The following MFGE8 variants were observed in gnomAD, a reference collection of about 807,000 sequenced individuals.
MFGE8 encodes the protein milk fat globule EGF and factor V/VIII domain containing, also known as lactadherin.
A neutral mutation model predicts 42.6 loss-of-function variants in MFGE8; 34 were observed. That is an observed-to-expected ratio of 0.80 (90% CI 0.61 to 1.06). The LOEUF (loss-of-function observed/expected upper bound fraction) is 1.06. Ranked by LOEUF, MFGE8 falls within the 50% of genes least tolerant of loss-of-function variation. The probability of loss-of-function intolerance (pLI) is 0.00; values close to 1 mark genes in which losing one functional copy is unlikely to be tolerated. For missense variants in MFGE8, 510 were observed against 516.9 expected (o/e 0.99, Z 0.13); for synonymous variants, 230 against 214.8 (o/e 1.07, Z -0.62).
In MFGE8 at chr15:88,909,877, C is replaced by G. The variant is rs1898876454; in HGVS notation, c.120G>C (p.Glu40Asp). The change falls in exon 2 of 8, where the codon GAG becomes GAC. Residue 40 changes from glutamate to aspartate, a missense_variant. Coordinates refer to ENST00000268150, the MANE Select transcript of MFGE8 (RefSeq NM_005928.4). ...NPCHNGGLCE[E>D]ISQEVRGDVF... ...CATCTCCTCGCACTTCTTGGGAAAT[C>G]TCCTCGCATAAACCACCGTTGTGGC... is the stretch of plus-strand genomic sequence containing the variant. 1 of 1,614,096 alleles carries G rather than the reference C, an allele frequency of 6.2e-7. No individual in the cohort carries two copies. Among genetic ancestry groups the G allele is most frequent in the African/African-American group, 1.3e-5 (1 of 74,930 alleles).
At position 88,903,474 on chromosome 15, in the gene MFGE8, T is replaced by A. The variant is rs1313568652; in HGVS notation, c.686-1739A>T. The A allele has an allele frequency of 5.3e-5, 8 of 150,032 alleles. No individual in the cohort carries two copies. Among genetic ancestry groups the A allele is most frequent in the Non-Finnish European group, 2.9e-5 (2 of 67,916 alleles). The allele number at this position is 150,032 out of a possible 1,614,324, so 9.3% of individuals were successfully genotyped here. On this transcript the variant is annotated intron_variant, in intron 5 of 7. Coordinates refer to ENST00000268150, the MANE Select transcript of MFGE8 (RefSeq NM_005928.4). The surrounding 1 kb of genome is among the most constrained non-coding windows in gnomAD (Gnocchi z 4.9). ...GCTGGGGCTTTCAGTCTGTATTTCT[T>A]TTTTTTTGTTTTTTTGTTTGTTTGT...
Position 88,913,266 on chromosome 15 carries a change from G to T in MFGE8, c.54C>A (p.Pro18=). Residue 18 remains proline, a synonymous_variant, in exon 1 of 8, where the codon CCC becomes CCA. Coordinates refer to ENST00000268150, the MANE Select transcript of MFGE8 (RefSeq NM_005928.4). ...AALCGALLCA[P]SLLVALDICS... is the part of the protein sequence containing the mutation. ...ACTCACCCAGGGCGACGAGGAGGCT[G>T]GGGGCGCAGAGCAGCGCGCCGCACA... 1 of 1,504,724 alleles carries T rather than the reference G, an allele frequency of 6.6e-7. No individual in the cohort carries two copies. Among genetic ancestry groups the T allele is most frequent in the Non-Finnish European group, 8.8e-7 (1 of 1,134,652 alleles). The allele number at this position is 1,504,724 out of a possible 1,614,324, so 93.2% of individuals were successfully genotyped here. A position where few individuals can be genotyped will look rare whatever the true frequency, so the allele number is the denominator to read the frequency against.
In MFGE8 at chr15:88,913,239, C is replaced by G; in HGVS notation, c.73+8G>C. 1 of 1,503,074 alleles carries G rather than the reference C, an allele frequency of 6.7e-7. No homozygotes were observed. Among genetic ancestry groups the G allele is most frequent in the Non-Finnish European group, 8.8e-7 (1 of 1,133,534 alleles). The allele number at this position is 1,503,074 out of a possible 1,614,324, so 93.1% of individuals were successfully genotyped here. ...GGCGAGGGGCAGAGGGCGGCGCGAT[C>G]CACTCACCCAGGGCGACGAGGAGGC... On this transcript the variant is annotated splice_region_variant and intron_variant, in intron 1 of 7. Coordinates refer to ENST00000268150, the MANE Select transcript of MFGE8 (RefSeq NM_005928.4).
rs1898651326 is a variant in MFGE8, at chr15:88,905,868, G to A, written c.574C>T (p.His192Tyr). The A allele has an allele frequency of 6.2e-7, 1 of 1,614,218 alleles. No homozygotes were observed. The highest frequency in any genetic ancestry group is 8.5e-7 in the Non-Finnish European group (1 of 1,180,038). ...FVGNWNKNAV[H>Y]VNLFETPVEA... ...ACAGGGGTCTCAAACAGGTTGACAT[G>A]CACCGCGTTTTTGTTCCAGTTACCC... Residue 192 changes from histidine to tyrosine, a missense_variant, in exon 5 of 8, where the codon CAT (histidine) becomes TAT (tyrosine). His to Tyr is a moderately conservative substitution (Grantham distance 83). Transcript: ENST00000268150. The surrounding 1 kb of genome is among the most constrained non-coding windows in gnomAD (Gnocchi z 6.6).
chr15:88,912,208 C>T (rs1431046310), intron 1 of MFGE8: 1 of 1,289,826 alleles, frequency 7.8e-7, no homozygotes, highest in Middle Eastern at 2.1e-4. Flanking sequence ...ACTTCAGAGT[C>T]CTGCTCTTTC....
At chr15:88,901,122 TTC>T (rs1898365042) in intron 6 of MFGE8, among the ~76,000 whole-genome samples, 1 of 61,488 alleles carries the variant, frequency 1.6e-5, no homozygotes, top group Admixed American at 1.8e-4. Flanking sequence ...CACATACACA[TTC>T]ACACACACAC....
rs1388070031 is a variant in MFGE8 at position 88,899,670 on chromosome 15, T to A, written c.1012A>T (p.Thr338Ser). ...CAGACACCCACCTTACTGCTGCCAG[T>A]CCTGGGGTCCTGGTACTCAGTCCAG... The part of the protein sequence containing the change: ...ANWTEYQDPR[T>S]GSSKIFPGNW... The change falls in exon 7 of 8, where the codon ACT becomes TCT. Residue 338 changes from threonine (T) to serine (S), a missense_variant. Coordinates refer to ENST00000268150, the MANE Select transcript of MFGE8 (RefSeq NM_005928.4). This position sits in a 1 kb window ranked among gnomAD's most constrained non-coding sequence, Gnocchi z 6.8. 6.2e-7 allele frequency: 1 copy of A among 1,614,070 alleles called. No individual in the cohort carries two copies. The highest frequency in any genetic ancestry group is 8.5e-7 in the Non-Finnish European group (1 of 1,180,028).
Position 88,902,437 on chromosome 15 carries a change from A to G in MFGE8, c.686-702T>C, listed in dbSNP as rs1182649511. On this transcript the variant is annotated intron_variant, in intron 5 of 7. Transcript: ENST00000268150. This position sits in a 1 kb window ranked among gnomAD's most constrained non-coding sequence, Gnocchi z 4.3. The stretch of plus-strand genomic sequence containing the variant: ...GCCTAGTGACGACCCAGTGATGAAC[A>G]GGACAACATCCCTGCCCTCCAGCAG... 2 of 152,648 alleles carry G rather than the reference A, an allele frequency of 1.3e-5. No individual in the cohort carries two copies. Among genetic ancestry groups the G allele is most frequent in the East Asian group, 3.8e-4 (2 of 5,206 alleles). The allele number at this position is 152,648 out of a possible 1,614,324, so 9.5% of individuals were successfully genotyped here.
At chr15:88,908,525 C>A (rs1898805847) in intron 2 of MFGE8, among the ~76,000 whole-genome samples, 2 of 152,182 alleles carry the variant, frequency 1.3e-5, no homozygotes, top group South Asian at 4.1e-4. Flanking sequence ...GAAGGTCCCT[C>A]TGAGGGCTTC....
intron 1 of MFGE8, chr15:88,912,608 T>C (rs1899018773): frequency 2.0e-6 from 2 of 985,166 alleles, no homozygotes; most frequent in Non-Finnish European, 2.4e-6. Flanking sequence ...CCGGGGAAGA[T>C]ACAGCAGCCG....
chr15:88,905,586 G>T lies in MFGE8; in HGVS notation c.685+171C>A. 4 of 823,506 alleles carry T rather than the reference G, an allele frequency of 4.9e-6. No individual in the cohort carries two copies. The highest frequency in any genetic ancestry group is 8.1e-6 in the Non-Finnish European group (4 of 495,342). 51.0% of individuals were successfully genotyped at this position (823,506 alleles called of 1,614,324 possible). ...TTGGCAGACAGCAAACACCTGGGTG[G>T]GGCTGCTATGGCCAGGTGACCCCCT... On this transcript the variant is annotated intron_variant, in intron 5 of 7. Coordinates refer to ENST00000268150, the MANE Select transcript of MFGE8 (RefSeq NM_005928.4). This position sits in a 1 kb window ranked among gnomAD's most constrained non-coding sequence, Gnocchi z 6.6.
rs757579951 is a variant in MFGE8 at position 88,901,724 on chromosome 15, G to A, written c.697C>T (p.Pro233Ser). Residue 233 changes from proline (P) to serine (S), a missense_variant, in exon 6 of 8, where the codon CCC becomes TCC. Physicochemically the swap from Pro to Ser is moderately conservative, Grantham distance 74. Coordinates refer to ENST00000268150, the MANE Select transcript of MFGE8 (RefSeq NM_005928.4). ...ATGCTGTTATTCTTCAGGCCCAGGG[G>A]ATTGGCGCATCCTGCCAGCAAGGTG... is the stretch of plus-strand genomic sequence containing the variant. ...LGCELNGCAN[P>S]LGLKNNSIPD... 9.3e-6 allele frequency: 15 copies of A among 1,613,950 alleles called. No individual in the cohort carries two copies. Among genetic ancestry groups the A allele is most frequent in the Admixed American group, 1.7e-5 (1 of 59,980 alleles).
chr15:88,913,139 G>T, intron 1 of MFGE8, 108 bp downstream of exon 1: 8 of 1,398,770 alleles, frequency 5.7e-6, no homozygotes, highest in African/African-American at 1.5e-5. Flanking sequence ...GGTCCCCGGG[G>T]CTTTGTCTAA....
chr15:88,908,236 C>G (rs950211066), intron 2 of MFGE8, among the ~76,000 whole-genome samples: 1 of 152,178 alleles, frequency 6.6e-6, no homozygotes, highest in Non-Finnish European at 1.5e-5. Flanking sequence ...AAGCAGAGAA[C>G]CCACAGACAG....
At chr15:88,910,025 A>G in intron 1 of MFGE8, 102 bp from the exon 2 acceptor site, 1 of 1,437,538 alleles carries the variant, frequency 7.0e-7, no homozygotes, top group Admixed American at 1.7e-5. Context: ...CCTCCACTCA[A>G]ACTCGCCCAT....
Position 88,906,728 on chromosome 15 carries a change from G to A in MFGE8, c.438C>T (p.Ala146=). The change falls in exon 4 of 8, where the codon GCC becomes GCT. Residue 146 remains alanine (A), a synonymous_variant. Coordinates refer to ENST00000268150, the MANE Select transcript of MFGE8 (RefSeq NM_005928.4). This position sits in a 1 kb window ranked among gnomAD's most constrained non-coding sequence, Gnocchi z 4.2. ...MWVTGVVTQG[A]SRLASHEYLK... ...GGTACTCATGACTGGCCAAGCGGCT[G>A]GCACCCTGCGTCACCACACCTGTTA... is the stretch of plus-strand genomic sequence containing the variant. 3 of 1,613,686 alleles carry A rather than the reference G, an allele frequency of 1.9e-6. No individual in the cohort carries two copies. Among genetic ancestry groups the A allele is most frequent in the Non-Finnish European group, 2.5e-6 (3 of 1,179,928 alleles).
chr15:88,905,644 G>A lies in MFGE8; in HGVS notation c.685+113C>T, dbSNP rs183387417. 6.5e-3 allele frequency: 9,411 copies of A among 1,442,006 alleles called. 544 individuals are homozygous for A. In the South Asian group the frequency reaches 0.095, roughly 15 times the overall value. The allele number at this position is 1,442,006 out of a possible 1,614,324, so 89.3% of individuals were successfully genotyped here. On this transcript the variant is annotated intron_variant, in intron 5 of 7. Transcript: ENST00000268150. This position sits in a 1 kb window ranked among gnomAD's most constrained non-coding sequence, Gnocchi z 6.6. ...GTTGCCCGAGTGAAGCCTGGTCCCC[G>A]TGCCTTGTTGCTGCCCTACCTAGCT...
intron 1 of MFGE8, chr15:88,912,485 C>T (rs527844912): frequency 1.0e-6 from 1 of 985,420 alleles, no homozygotes; most frequent in Non-Finnish European, 1.2e-6. Flanking sequence ...CCTAAAGAGT[C>T]CTGGCCCTGA....
rs772299279 is a variant in MFGE8 at position 88,906,667 on chromosome 15, G to A, written c.499C>T (p.His167Tyr). The change falls in exon 4 of 8, where the codon CAC (histidine) becomes TAC (tyrosine). Residue 167 changes from histidine to tyrosine, a missense_variant. Coordinates refer to ENST00000268150, the MANE Select transcript of MFGE8 (RefSeq NM_005928.4). This position sits in a 1 kb window ranked among gnomAD's most constrained non-coding sequence, Gnocchi z 4.2. ...AFKVAYSLNG[H>Y]EFDFIHDVNK... ...ACATCATGGATGAAATCGAATTCGT[G>A]TCCATTAAGGCTGTAGGCCACCTTG... 32 of 1,613,998 alleles carry A rather than the reference G, an allele frequency of 2.0e-5. No homozygotes were observed. The highest frequency in any genetic ancestry group is 1.7e-4 in the Middle Eastern group (1 of 6,050).
Sources: gnomAD v4.1 joint callset for allele counts (sites outside exome capture counted in the v4.1 genomes callset) on GRCh38, gnomAD v4.1.1 for gene constraint, Gnocchi (gnomAD v3.1) non-coding constraint, MANE v1.5 for transcripts, NCBI Gene and HGNC (gene_info 2026-07-23, HGNC 2026-07-21) for gene names.